The following TRAK1 variants were observed in gnomAD, a reference collection of about 807,000 sequenced individuals.
TRAK1 encodes trafficking kinesin protein 1, also known as trafficking kinesin-binding protein 1.
TRAK1 carries 33 observed loss-of-function variants against 92.1 expected under a neutral mutation model. The ratio of observed to expected loss-of-function variants is 0.36; its 90% CI spans 0.27 to 0.48. The LOEUF (loss-of-function observed/expected upper bound fraction) is 0.48, where lower values mean the gene tolerates loss of function less well. TRAK1 is among the 20% of genes least tolerant of loss of function. The pLI is 0.99. For missense variants in TRAK1, 1,123 were observed against 1,257.9 expected (o/e 0.89, Z 1.62); for synonymous variants, 521 against 517.3 (o/e 1.01, Z -0.10).
chr3:42,052,578 G>A (rs147460309), intron 1 of TRAK1, among the ~76,000 whole-genome samples: 38 of 152,246 alleles, frequency 2.5e-4, no homozygotes, highest in African/African-American at 9.1e-4. Flanking sequence ...GCCAATTGGA[G>A]CAAAAAGCAT....
In TRAK1 at chr3:42,202,671, G is replaced by A. The variant is rs757736747; in HGVS notation, c.1663G>A (p.Glu555Lys). Residue 555 changes from glutamate to lysine, a missense_variant, in exon 13 of 16, where the codon GAG (glutamate) becomes AAG (lysine). This residue lies in a region of TRAK1 where 686 missense variants were observed against 747.6 expected (regional missense o/e 0.92). Transcript: ENST00000327628. The surrounding 1 kb of genome is among the most constrained non-coding windows in gnomAD (Gnocchi z 6.1). ...MSLGTHSRFS[E>K]FTGFSGMSFS... ...CCTGGGCACGCACTCCCGCTTCTCC[G>A]AGTTCACCGGCTTCTCTGGCATGTC... The A allele has an allele frequency of 2.5e-6, 4 of 1,613,502 alleles. No homozygotes were observed. Among genetic ancestry groups the A allele is most frequent in the Middle Eastern group, 1.7e-4 (1 of 6,058 alleles).
At chr3:42,079,735 C>T (rs1340186688) in intron 1 of TRAK1, among the ~76,000 whole-genome samples, 1 of 152,110 alleles carries the variant, frequency 6.6e-6, no homozygotes. Context: ...CCCTCCTCGG[C>T]CTCCTAAAGT....
At chr3:42,190,582 C>T (rs1307907814) in intron 6 of TRAK1, among the ~76,000 whole-genome samples, 6 of 152,152 alleles carry the variant, frequency 3.9e-5, no homozygotes, top group South Asian at 2.1e-4. Flanking sequence ...GCTCCAGCCC[C>T]GGGCGCCCAG....
intron 2 of TRAK1, among the ~76,000 whole-genome samples, chr3:42,156,267 G>C (rs992877920): frequency 6.6e-6 from 1 of 152,202 alleles, no homozygotes; most frequent in South Asian, 2.1e-4. Context: ...GCCTTTAACC[G>C]TGAAGTGAAG....
At chr3:42,141,036 G>A (rs1008871241) in intron 2 of TRAK1, among the ~76,000 whole-genome samples, 1 of 152,146 alleles carries the variant, frequency 6.6e-6, no homozygotes, top group Non-Finnish European at 1.5e-5. Flanking sequence ...CATGGGGGAA[G>A]GTGGGATGCG....
At chr3:42,191,708 T>C in intron 7 of TRAK1, 72 bp downstream of exon 7, 1 of 1,505,496 alleles carries the variant, frequency 6.6e-7, no homozygotes, top group Non-Finnish European at 9.0e-7. Context: ...TGCGTCAGCC[T>C]TGCTAAAGTG....
chr3:42,150,607 C>T (rs1699850324), intron 2 of TRAK1, among the ~76,000 whole-genome samples: 2 of 152,238 alleles, frequency 1.3e-5, no homozygotes, highest in South Asian at 4.1e-4. Context: ...TTCCTGACTA[C>T]ATTTGATTAA....
intron 1 of TRAK1, among the ~76,000 whole-genome samples, chr3:42,057,094 C>T (rs911631867): frequency 1.3e-5 from 2 of 152,152 alleles, no homozygotes; most frequent in African/African-American, 4.8e-5. Flanking sequence ...TGGCAGTGAT[C>T]ATGAAGATGG....
chr3:42,187,465 T>G (rs1424287460), intron 4 of TRAK1, among the ~76,000 whole-genome samples: 1 of 152,192 alleles, frequency 6.6e-6, no homozygotes, highest in Non-Finnish European at 1.5e-5. Context: ...CCCACAAGCA[T>G]CATTCTTTTT....
intron 2 of TRAK1, among the ~76,000 whole-genome samples, chr3:42,161,387 T>C (rs1485787387): frequency 6.6e-6 from 1 of 152,068 alleles, no homozygotes; most frequent in Non-Finnish European, 1.5e-5. Context: ...TTCTTTTTTC[T>C]TTTTTTTGGG....
intron 2 of TRAK1, among the ~76,000 whole-genome samples, chr3:42,126,294 T>A (rs1384181342): frequency 6.6e-6 from 1 of 152,234 alleles, no homozygotes; most frequent in Admixed American, 6.5e-5. Context: ...TTCTCATTTA[T>A]GTGACATAGC....
intron 1 of TRAK1, among the ~76,000 whole-genome samples, chr3:42,110,090 T>G (rs1553719345): frequency 1.0e-4 from 6 of 58,702 alleles, no homozygotes; most frequent in Non-Finnish European, 3.2e-5. Flanking sequence ...CCCTAGAACT[T>G]AAAGTATATA....
At chr3:42,115,194 T>A (rs1709017159) in intron 1 of TRAK1, among the ~76,000 whole-genome samples, 1 of 152,244 alleles carries the variant, frequency 6.6e-6, no homozygotes, top group Non-Finnish European at 1.5e-5. Context: ...TAAATTTGTG[T>A]ACAATTTTTG....
At chr3:42,117,660 C>T (rs1242772899) in intron 1 of TRAK1, among the ~76,000 whole-genome samples, 19 of 152,132 alleles carry the variant, frequency 1.2e-4, no homozygotes, top group Non-Finnish European at 1.5e-5. Context: ...CCTCAAGCTC[C>T]AGCGTGCAGG....
intron 1 of TRAK1, among the ~76,000 whole-genome samples, chr3:42,026,959 A>T (rs1235411837): frequency 1.3e-5 from 2 of 152,166 alleles, no homozygotes; most frequent in East Asian, 3.9e-4. Flanking sequence ...GCTCTGGTAG[A>T]CTGACTTTCT....
chr3:42,201,883 GACACACACACACAC>G lies in TRAK1; in HGVS notation c.1428-518_1428-505del, dbSNP rs56336064. Among the ~76,000 whole-genome samples, 798 of 125,174 alleles carry G rather than the reference GACACACACACACAC, an allele frequency of 6.4e-3. 1 individual carries two copies. The highest frequency in any genetic ancestry group is 9.0e-3 in the African/African-American group (292 of 32,390). The allele number at this position is 125,174 out of a possible 152,430, so 82.1% of individuals were successfully genotyped here. On this transcript the variant is annotated intron_variant, in intron 12 of 15. Coordinates refer to ENST00000327628, the MANE Select transcript of TRAK1 (RefSeq NM_001042646.3). ...GGACGGACGGACGGACGGACAGACG[GACACACACACACAC>G]ACACACACACACACACACACACACA...
chr3:42,209,189 C>T (rs1009008159), intron 13 of TRAK1, among the ~76,000 whole-genome samples: 2 of 152,186 alleles, frequency 1.3e-5, no homozygotes, highest in Admixed American at 6.5e-5. Context: ...TGGCAAAATA[C>T]AGAAAACCTA....
At chr3:42,144,869 A>G (rs1205626907) in intron 2 of TRAK1, among the ~76,000 whole-genome samples, 2 of 152,210 alleles carry the variant, frequency 1.3e-5, no homozygotes, top group Non-Finnish European at 2.9e-5. Context: ...AGTGAAAGCT[A>G]ATCTTTTATA....
intron 1 of TRAK1, among the ~76,000 whole-genome samples, chr3:42,048,304 T>G (rs566933311): frequency 6.6e-6 from 1 of 152,238 alleles, no homozygotes; most frequent in East Asian, 1.9e-4. Flanking sequence ...AAACTAAAGT[T>G]TTGGGATTAC....
Sources: gnomAD v4.1 joint callset for allele counts (sites outside exome capture counted in the v4.1 genomes callset) on GRCh38, gnomAD v4.1.1 for gene constraint, gnomAD v4.1.1 regional missense constraint, Gnocchi (gnomAD v3.1) non-coding constraint, MANE v1.5 for transcripts, NCBI Gene and HGNC (gene_info 2026-07-23, HGNC 2026-07-21) for gene names.